The following DENND4C variants were observed in gnomAD, a reference collection of about 807,000 sequenced individuals.
DENND4C encodes the protein DENN domain-containing protein 4C.
In DENND4C, 108 loss-of-function variants were observed where a neutral mutation model predicts 203.0. The observed-to-expected ratio is 0.53, with a 90% confidence interval of 0.46 to 0.62. DENND4C has a LOEUF of 0.62. DENND4C is among the 20% of genes least tolerant of loss of function. The probability of loss-of-function intolerance (pLI) is 0.00; values close to 1 mark genes in which losing one functional copy is unlikely to be tolerated. For synonymous variants in DENND4C, 871 were observed against 792.4 expected, an observed-to-expected ratio of 1.10 and a Z score of -1.67; for missense variants, 2,481 against 2,301.2, an observed-to-expected ratio of 1.08 and a Z score of -1.60.
intron 9 of DENND4C, among the ~76,000 whole-genome samples, chr9:19,304,047 T>TA (rs1563782312): frequency 3.4e-5 from 5 of 146,098 alleles, no homozygotes; most frequent in East Asian, 1.9e-4. Flanking sequence ...CCTGTCTTTT[T>TA]TAAAAAAAAA....
At chr9:19,343,940 TG>T (rs1323351583) in intron 22 of DENND4C, among the ~76,000 whole-genome samples, 1 of 152,222 alleles carries the variant, frequency 6.6e-6, no homozygotes, top group African/African-American at 2.4e-5. Flanking sequence ...CAATAATATT[TG>T]CAAGGATTTG....
At chr9:19,283,277 C>G (rs1384201152) in intron 2 of DENND4C, among the ~76,000 whole-genome samples, 1 of 152,132 alleles carries the variant, frequency 6.6e-6, no homozygotes, top group Non-Finnish European at 1.5e-5. Flanking sequence ...ATCGCCACAT[C>G]TTGTCCCACT....
intron 4 of DENND4C, 91 bp from the exon 5 acceptor site, chr9:19,290,613 C>T (rs1167500455): frequency 9.5e-6 from 8 of 843,810 alleles, no homozygotes; most frequent in East Asian, 6.1e-5. Flanking sequence ...CCATGAAATT[C>T]GGCATTAAAA....
Position 19,371,835 on chromosome 9 carries a change from A to G in DENND4C, c.5740+15A>G, listed in dbSNP as rs1455908961. ...TATTGATATTGGTAAGTTGGTTAAT[A>G]AAAGATTATGAAAGGAAGTTTTACA... is the stretch of plus-strand genomic sequence containing the variant. On this transcript the variant is annotated intron_variant, in intron 32 of 32. Transcript: ENST00000434457. The G allele has an allele frequency of 1.4e-6, 2 of 1,419,142 alleles. No individual in the cohort carries two copies. The highest frequency in any genetic ancestry group is 4.6e-5 in the East Asian group (2 of 43,666). 87.9% of individuals were successfully genotyped at this position (1,419,142 alleles called of 1,614,324 possible).
chr9:19,295,452 C>T (rs1837244908), intron 5 of DENND4C, among the ~76,000 whole-genome samples: 2 of 151,862 alleles, frequency 1.3e-5, no homozygotes, highest in South Asian at 4.2e-4. Flanking sequence ...TTGCAGTGAG[C>T]CGAGATCGTG....
At chr9:19,248,490 A>G (rs1436336986) in intron 1 of DENND4C, among the ~76,000 whole-genome samples, 1 of 151,370 alleles carries the variant, frequency 6.6e-6, no homozygotes, top group African/African-American at 2.4e-5. Context: ...CCTGGGTTCA[A>G]GCGATTCTCC....
intron 16 of DENND4C, among the ~76,000 whole-genome samples, chr9:19,329,554 G>A (rs1236033006): frequency 1.3e-5 from 2 of 152,000 alleles, no homozygotes; most frequent in African/African-American, 2.4e-5. Context: ...ATTTCTTTGG[G>A]GTATATATCT....
At position 19,346,657 on chromosome 9, in the gene DENND4C, T is replaced by A. The variant is rs1328907030; in HGVS notation, c.3888T>A (p.Gly1296=). The A allele has an allele frequency of 6.2e-7, 1 of 1,614,026 alleles. No homozygotes were observed. Among genetic ancestry groups the A allele is most frequent in the African/African-American group, 1.3e-5 (1 of 74,914 alleles). Reference sequence around the variant, plus strand: ...ATATGAACCTAAAAAGTCCCCTAGGTAGTAAATCTTCTAGTATGGAATTAC... The same window carrying A: ...ATATGAACCTAAAAAGTCCCCTAGGAAGTAAATCTTCTAGTATGGAATTAC... The part of the protein sequence containing the change: ...ESYMNLKSPL[G]SKSSSMELHR... The change falls in exon 23 of 33, where the codon GGT becomes GGA. Residue 1296 remains glycine, a synonymous_variant. Coordinates refer to ENST00000434457, the MANE Select transcript of DENND4C (RefSeq NM_001330640.2).
At chr9:19,343,944 A>C (rs1239805803) in intron 22 of DENND4C, among the ~76,000 whole-genome samples, 1 of 152,230 alleles carries the variant, frequency 6.6e-6, no homozygotes, top group Non-Finnish European at 1.5e-5. Context: ...AATATTTGCA[A>C]GGATTTGTTT....
In DENND4C at chr9:19,252,712, TACACACACACAC is replaced by T. The variant is rs10611179; in HGVS notation, c.-18+21897_-18+21908del. ...GCATTTAACCAAATCAGCGTGTGTA[TACACACACACAC>T]ACACACACACACACACATACTTTTT... On this transcript the variant is annotated intron_variant, in intron 1 of 32. Transcript: ENST00000434457. 7.2e-4 allele frequency among the ~76,000 whole-genome samples: 108 copies of T among 150,022 alleles called. 2 individuals carry two copies. In the East Asian group the frequency reaches 0.019, roughly 26 times the overall value.
chr9:19,248,735 C>G lies in DENND4C; in HGVS notation c.-18+17902C>G, dbSNP rs1825847583. 1.3e-5 allele frequency among the ~76,000 whole-genome samples: 2 copies of G among 151,918 alleles called. 1 individual carries two copies. The highest frequency in any genetic ancestry group is 4.8e-5 in the African/African-American group (2 of 41,382). The stretch of plus-strand genomic sequence containing the variant: ...TTCAGAGAGGTATTCCCTGGTGACA[C>G]CATAAAAATAGGCCCCTCCCTTCCA... On this transcript the variant is annotated intron_variant, in intron 1 of 32. Coordinates refer to ENST00000434457, the MANE Select transcript of DENND4C (RefSeq NM_001330640.2).
intron 1 of DENND4C, among the ~76,000 whole-genome samples, chr9:19,261,986 A>G (rs10435774): frequency 0.5 from 75,717 of 150,370 alleles, 19,757 homozygotes; most frequent in South Asian, 0.66. Context: ...TCTTTTTCAG[A>G]TGGGTCATTG....
intron 17 of DENND4C, among the ~76,000 whole-genome samples, chr9:19,333,587 T>C (rs866902791): frequency 6.6e-6 from 1 of 152,160 alleles, no homozygotes. Context: ...ACCTTCATCA[T>C]AAGGTTAGTT....
chr9:19,236,030 T>G (rs146671849), intron 1 of DENND4C, among the ~76,000 whole-genome samples: 353 of 152,154 alleles, frequency 2.3e-3, no homozygotes, highest in African/African-American at 8.1e-3. Context: ...CCAGGAGATA[T>G]TCTCATCTGA....
chr9:19,248,738 T>C (rs1403981154), intron 1 of DENND4C, among the ~76,000 whole-genome samples: 3 of 151,920 alleles, frequency 2.0e-5, no homozygotes, highest in Admixed American at 6.6e-5. Context: ...GGTGACACCA[T>C]AAAAATAGGC....
chr9:19,257,649 C>CATCA (rs1828317956), intron 1 of DENND4C, among the ~76,000 whole-genome samples: 1 of 152,028 alleles, frequency 6.6e-6, no homozygotes, highest in African/African-American at 2.4e-5. Context: ...TCTAACCAGG[C>CATCA]TGATCAGACA....
intron 9 of DENND4C, among the ~76,000 whole-genome samples, chr9:19,303,095 T>C (rs1838930592): frequency 1.3e-5 from 2 of 152,148 alleles, no homozygotes; most frequent in South Asian, 4.1e-4. Context: ...ATTGAGGACT[T>C]TTTTGGATTT....
Position 19,265,440 on chromosome 9 carries a change from TTTTATTTA to T in DENND4C, c.-17-10702_-17-10695del, listed in dbSNP as rs138768884. 9.3e-5 allele frequency among the ~76,000 whole-genome samples: 14 copies of T among 150,330 alleles called. No individual in the cohort carries two copies. The East Asian group carries it at 1.4e-3, about 15-fold the overall frequency. On this transcript the variant is annotated intron_variant, in intron 1 of 32. Coordinates refer to ENST00000434457, the MANE Select transcript of DENND4C (RefSeq NM_001330640.2). The stretch of plus-strand genomic sequence containing the variant: ...CTCTTGTTACTGATTTCTTTTTTAT[TTTTATTTA>T]TTTATTTATTTATTTTTTATTATAC...
rs11459976 is a variant in DENND4C, at chr9:19,244,739, C to CAA, written c.-18+13921_-18+13922dup. Among the ~76,000 whole-genome samples the CAA allele has an allele frequency of 4.1e-4, 59 of 142,444 alleles. 1 individual carries two copies. The highest frequency in any genetic ancestry group is 6.3e-4 in the Admixed American group (9 of 14,326). The allele number at this position is 142,444 out of a possible 152,430, so 93.4% of individuals were successfully genotyped here. A position where few individuals can be genotyped will look rare whatever the true frequency, so the allele number is the denominator to read the frequency against. On this transcript the variant is annotated intron_variant, in intron 1 of 32. Coordinates refer to ENST00000434457, the MANE Select transcript of DENND4C (RefSeq NM_001330640.2). The stretch of plus-strand genomic sequence containing the variant: ...TGGGTGACAGAGCGAGACCCCACCT[C>CAA]AAAAAAAAAAAAAAAAGTAGTTGCC...
Sources: allele counts gnomAD v4.1 joint callset (sites outside exome capture counted in the v4.1 genomes callset), GRCh38; gene constraint gnomAD v4.1.1; transcripts MANE v1.5; gene names NCBI Gene and HGNC (gene_info 2026-07-23, HGNC 2026-07-21).